Variants in ELOA observed in about 807,000 individuals in gnomAD.
ELOA encodes the protein elongin A, also known as elongin-A.
In ELOA, 15 loss-of-function variants were observed where a neutral mutation model predicts 85.2. The ratio of observed to expected loss-of-function variants is 0.18; its 90% CI spans 0.12 to 0.27. The LOEUF (loss-of-function observed/expected upper bound fraction) is 0.27. Ranked by LOEUF, ELOA falls within the 10% of genes least tolerant of loss-of-function variation. ELOA has a pLI of 1.00. For missense variants in ELOA, 769 were observed against 952.7 expected (o/e 0.81, Z 2.54); for synonymous variants, 348 against 357.2 (o/e 0.97, Z 0.29).
In ELOA at chr1:23,751,572, A is replaced by G. The variant is rs778630286; in HGVS notation, c.967A>G (p.Asn323Asp). Residue 323 changes from asparagine (N) to aspartate (D), a missense_variant, in exon 4 of 11, where the codon AAC (asparagine) becomes GAC (aspartate). By Grantham distance (23) the Asn-to-Asp change is conservative (BLOSUM62 1). Transcript: ENST00000613537. ...GCCTCCCTCAGAGGCCGCTTCAGACAACCACCTGAAAAAGCCAAAGCACAG... is the reference window on the plus strand; with the variant it reads ...GCCTCCCTCAGAGGCCGCTTCAGACGACCACCTGAAAAAGCCAAAGCACAG... ...CLPPSEAASDNHLKKPKHRDP... is the reference protein window; with the variant it reads ...CLPPSEAASDDHLKKPKHRDP... 3 of 1,614,218 alleles carry G rather than the reference A, an allele frequency of 1.9e-6. No individual in the cohort carries two copies. In the South Asian group the frequency reaches 3.3e-5, roughly 18 times the overall value.
chr1:23,747,990 G>A (rs1355382198), intron 1 of ELOA, among the ~76,000 whole-genome samples: 2 of 152,218 alleles, frequency 1.3e-5, no homozygotes. Flanking sequence ...AGCACTCCTT[G>A]TATGGTAAGT....
intron 1 of ELOA, among the ~76,000 whole-genome samples, chr1:23,745,290 G>C (rs1644741247): frequency 6.6e-6 from 1 of 152,154 alleles, no homozygotes; most frequent in African/African-American, 2.4e-5. Flanking sequence ...AACACTGTAA[G>C]ATCTGTGACT....
At chr1:23,744,890 A>G (rs1644739850) in intron 1 of ELOA, among the ~76,000 whole-genome samples, 1 of 152,176 alleles carries the variant, frequency 6.6e-6, no homozygotes, top group South Asian at 2.1e-4. Context: ...CTAACCTGAA[A>G]GGCTAAGGTA....
chr1:23,743,781 C>G (rs1041980218), intron 1 of ELOA, among the ~76,000 whole-genome samples: 1 of 152,102 alleles, frequency 6.6e-6, no homozygotes, highest in African/African-American at 2.4e-5. Context: ...GGGCCCCGGC[C>G]GCTCCCCCTC....
rs200184587 is a variant in ELOA at position 23,751,318 on chromosome 1, T to C, written c.713T>C (p.Val238Ala). 1.4e-5 allele frequency: 23 copies of C among 1,613,698 alleles called. No homozygotes were observed. Among genetic ancestry groups the C allele is most frequent in the Admixed American group, 6.7e-5 (4 of 59,960 alleles). The change falls in exon 4 of 11, where the codon GTT becomes GCT. Residue 238 changes from valine (V) to alanine (A), a missense_variant. Val to Ala is a moderately conservative substitution (Grantham distance 64). Transcript: ENST00000613537. ...RHLGEPHGKG[V>A]VSQNKEHKSS... ...CTGGGTGAACCCCATGGGAAAGGGG[T>C]TGTGAGTCAAAACAAGGAGCACAAA...
intron 1 of ELOA, among the ~76,000 whole-genome samples, chr1:23,746,609 A>C (rs1237160430): frequency 1.9e-5 from 1 of 52,006 alleles, no homozygotes; most frequent in African/African-American, 8.7e-5. Context: ...CTCCATCTCC[A>C]AAAAAAAAAA....
intron 1 of ELOA, 144 bp downstream of exon 1, chr1:23,743,722 T>C: frequency 1.9e-6 from 2 of 1,045,618 alleles, no homozygotes; most frequent in South Asian, 4.8e-5. Flanking sequence ...TCGCGGCCAT[T>C]GACCGCTGCC....
At chr1:23,747,990 G>T (rs1355382198) in intron 1 of ELOA, among the ~76,000 whole-genome samples, 1 of 152,218 alleles carries the variant, frequency 6.6e-6, no homozygotes, top group Non-Finnish European at 1.5e-5. Context: ...AGCACTCCTT[G>T]TATGGTAAGT....
chr1:23,749,098 AAT>A, intron 2 of ELOA, 21 bp downstream of exon 2: 1 of 1,577,752 alleles, frequency 6.3e-7, no homozygotes, highest in Non-Finnish European at 8.7e-7. Flanking sequence ...TGTGACTTTA[AAT>A]ATTATATAAT....
intron 9 of ELOA, among the ~76,000 whole-genome samples, chr1:23,756,663 A>G (rs1644795941): frequency 6.6e-6 from 1 of 152,226 alleles, no homozygotes; most frequent in African/African-American, 2.4e-5. Flanking sequence ...CCCTTTTCCC[A>G]TCTAAACAAA....
chr1:23,749,137 A>G (rs975813281), intron 2 of ELOA, 60 bp downstream of exon 2: 2 of 1,424,300 alleles, frequency 1.4e-6, no homozygotes, highest in African/African-American at 2.8e-5. Flanking sequence ...CTCACTGGAG[A>G]GTGTGTAGAA....
chr1:23,757,721 G>C (rs1229915839), intron 10 of ELOA, among the ~76,000 whole-genome samples: 2 of 151,152 alleles, frequency 1.3e-5, no homozygotes, highest in African/African-American at 4.9e-5. Context: ...GGATGGTCTC[G>C]ATCTCCTGAC....
At position 23,759,673 on chromosome 1, in the gene ELOA, G is replaced by A; in HGVS notation, c.*100G>A. 2 of 1,431,066 alleles carry A rather than the reference G, an allele frequency of 1.4e-6. No homozygotes were observed. The highest frequency in any genetic ancestry group is 1.2e-5 in the South Asian group (1 of 85,384). 88.6% of individuals were successfully genotyped at this position (1,431,066 alleles called of 1,614,324 possible). A position where few individuals can be genotyped will look rare whatever the true frequency, so the allele number is the denominator to read the frequency against. On this transcript the variant is annotated 3_prime_UTR_variant, in exon 11 of 11. Coordinates refer to ENST00000613537, the MANE Select transcript of ELOA (RefSeq NM_003198.3). ...CTACAGGAGACTGGAGTCTTGCTTT[G>A]TGGATCCTTTTGGTCTCCGAGTCCT...
Position 23,754,106 on chromosome 1 carries a change from C to T in ELOA, c.1544C>T (p.Ser515Phe). The T allele has an allele frequency of 1.2e-6, 2 of 1,614,162 alleles. No homozygotes were observed. The highest frequency in any genetic ancestry group is 1.7e-6 in the Non-Finnish European group (2 of 1,180,024). The stretch of plus-strand genomic sequence containing the variant: ...TGTTTTTCTTGCCCTATAGCGTTCT[C>T]TTCACCCCAGGAAGAAGAAGAAGCT... Reference protein sequence around the residue: ...SSFQPKRKAFSSPQEEEEAGF... With the variant: ...SSFQPKRKAFFSPQEEEEAGF... Residue 515 changes from serine (S) to phenylalanine (F), a missense_variant, in exon 6 of 11, where the codon TCT (serine) becomes TTT (phenylalanine). Around this residue, in one of 4 missense-constraint regions of ELOA, gnomAD observed 193 missense variants for 278.9 expected, o/e 0.69. Coordinates refer to ENST00000613537, the MANE Select transcript of ELOA (RefSeq NM_003198.3).
Position 23,754,187 on chromosome 1 carries a change from G to T in ELOA, c.1625G>T (p.Cys542Phe). The T allele has an allele frequency of 6.2e-7, 1 of 1,614,188 alleles. No homozygotes were observed. Among genetic ancestry groups the T allele is most frequent in the Non-Finnish European group, 8.5e-7 (1 of 1,180,038 alleles). ...ATGCAGGTGTATTCTGGTTCCAAGTGTGCCTATCTCCCTAAAATGATGACC... is the reference window on the plus strand; with the variant it reads ...ATGCAGGTGTATTCTGGTTCCAAGTTTGCCTATCTCCCTAAAATGATGACC... ...SKMQVYSGSK[C>F]AYLPKMMTLH... The change falls in exon 6 of 11, where the codon TGT (cysteine) becomes TTT (phenylalanine). Residue 542 changes from cysteine (C) to phenylalanine (F), a missense_variant. Cys to Phe is a radical substitution (Grantham distance 205). Coordinates refer to ENST00000613537, the MANE Select transcript of ELOA (RefSeq NM_003198.3).
At chr1:23,746,634 A>G (rs1003778154) in intron 1 of ELOA, among the ~76,000 whole-genome samples, 32 of 146,890 alleles carry the variant, frequency 2.2e-4, no homozygotes, top group African/African-American at 8.2e-4. Flanking sequence ...AAAAAAAAGG[A>G]TCCTCGTCCT....
intron 10 of ELOA, among the ~76,000 whole-genome samples, chr1:23,758,133 G>C (rs1638230836): frequency 1.3e-5 from 2 of 151,200 alleles, no homozygotes. Flanking sequence ...CAATACCACA[G>C]TGTTCATAAT....
At chr1:23,755,340 AAGCAACT>A (rs1284118529) in intron 7 of ELOA, among the ~76,000 whole-genome samples, 1 of 152,160 alleles carries the variant, frequency 6.6e-6, no homozygotes, top group African/African-American at 2.4e-5. Flanking sequence ...CAGCCACCAA[AAGCAACT>A]AGCATAGTGC....
In ELOA at chr1:23,751,658, A is replaced by G. The variant is rs145361778; in HGVS notation, c.1053A>G (p.Gly351=). 4.4e-5 allele frequency: 71 copies of G among 1,614,216 alleles called. No individual in the cohort carries two copies. In the African/African-American group the frequency reaches 8.1e-4, roughly 18 times the overall value. ...SKQGLDSFDT[G]KGAGDLLPKV... ...AAGGTCTGGACAGCTTTGACACAGG[A>G]AAAGGAGCAGGAGACCTGTTGCCCA... Residue 351 remains glycine, a synonymous_variant, in exon 4 of 11, where the codon GGA becomes GGG. Coordinates refer to ENST00000613537, the MANE Select transcript of ELOA (RefSeq NM_003198.3).
Sources: gnomAD v4.1 joint callset for allele counts (sites outside exome capture counted in the v4.1 genomes callset) on GRCh38, gnomAD v4.1.1 for gene constraint, gnomAD v4.1.1 regional missense constraint, MANE v1.5 for transcripts, NCBI Gene and HGNC (gene_info 2026-07-23, HGNC 2026-07-21) for gene names.